Variants in VXN observed in about 807,000 individuals in gnomAD.
The protein encoded by VXN is vexin, also known as uncharacterized protein C8orf46.
Under a neutral mutation model 23.1 loss-of-function variants are expected in VXN, and 7 were observed. That is an observed-to-expected ratio of 0.30 (90% CI 0.17 to 0.57). The LOEUF (loss-of-function observed/expected upper bound fraction) is 0.57, where lower values mean the gene tolerates loss of function less well. Ranked by LOEUF, VXN falls within the 20% of genes least tolerant of loss-of-function variation. The pLI is 0.91. For synonymous variants in VXN, 120 were observed against 105.8 expected, an observed-to-expected ratio of 1.13 and a Z score of -0.83; for missense variants, 238 against 272.6, an observed-to-expected ratio of 0.87 and a Z score of 0.89.
At chr8:66,503,060 C>T (rs1807708929) in intron 2 of VXN, among the ~76,000 whole-genome samples, 1 of 152,114 alleles carries the variant, frequency 6.6e-6, no homozygotes, top group Admixed American at 6.5e-5. Flanking sequence ...GTTGCCCAGG[C>T]TGGTCTTGAA....
chr8:66,510,603 A>G (rs1486091693), intron 4 of VXN, among the ~76,000 whole-genome samples: 2 of 152,192 alleles, frequency 1.3e-5, no homozygotes, highest in Non-Finnish European at 2.9e-5. Context: ...GTAAGAAAAT[A>G]CCATAGACTG....
intron 3 of VXN, among the ~76,000 whole-genome samples, chr8:66,507,701 C>T (rs1029136564): frequency 6.7e-6 from 1 of 150,264 alleles, no homozygotes; most frequent in Admixed American, 6.6e-5. Flanking sequence ...AATATGCCAG[C>T]GAGGTTTCAA....
intron 3 of VXN, 124 bp from the exon 4 acceptor site, chr8:66,509,972 G>A: frequency 9.1e-6 from 8 of 878,224 alleles, no homozygotes; most frequent in Non-Finnish European, 1.5e-5. Flanking sequence ...TTTGCTGCTT[G>A]GTACAAAGGC....
chr8:66,507,223 T>G (rs907853050), intron 3 of VXN, among the ~76,000 whole-genome samples: 1 of 152,192 alleles, frequency 6.6e-6, no homozygotes, highest in Non-Finnish European at 1.5e-5. Flanking sequence ...AGCAGCAGTC[T>G]CTGGAAAATT....
At chr8:66,511,101 T>C (rs1054548218) in intron 4 of VXN, among the ~76,000 whole-genome samples, 1 of 152,160 alleles carries the variant, frequency 6.6e-6, no homozygotes, top group Non-Finnish European at 1.5e-5. Context: ...AGCTTTCTGC[T>C]ACCCACCCTG....
intron 2 of VXN, among the ~76,000 whole-genome samples, chr8:66,500,874 T>A: frequency 6.7e-6 from 1 of 148,252 alleles, no homozygotes; most frequent in South Asian, 2.2e-4. Context: ...CATGATTTTT[T>A]TTTTTTTTTT....
chr8:66,505,219 C>G, intron 2 of VXN, 156 bp from the exon 3 acceptor site: 1 of 1,044,726 alleles, frequency 9.6e-7, no homozygotes, highest in Non-Finnish European at 1.5e-6. Context: ...GTTTCCTGCC[C>G]AGATTTTGTC....
At chr8:66,511,077 C>A (rs905785982) in intron 4 of VXN, among the ~76,000 whole-genome samples, 11 of 152,196 alleles carry the variant, frequency 7.2e-5, no homozygotes, top group Non-Finnish European at 7.3e-5. Flanking sequence ...CCAAGCCCAC[C>A]TGAAGGAGCT....
chr8:66,510,141 C>T lies in VXN; in HGVS notation c.326C>T (p.Ala109Val), dbSNP rs199653939. Reference protein sequence around the residue: ...PKTSNLCGNRAYGKSLIPPVP... With the variant: ...PKTSNLCGNRVYGKSLIPPVP... ...ACATCAAATCTGTGTGGGAATCGAG[C>T]ATATGGAAAATCTCTGGTAAGTAAA... The change falls in exon 4 of 6, where the codon GCA (alanine) becomes GTA (valine). Residue 109 changes from alanine to valine, a missense_variant. Transcript: ENST00000305454. 2.5e-6 allele frequency: 4 copies of T among 1,612,460 alleles called. No individual in the cohort carries two copies. Among genetic ancestry groups the T allele is most frequent in the East Asian group, 2.2e-5 (1 of 44,854 alleles).
At chr8:66,508,969 C>T (rs1003466282) in intron 3 of VXN, among the ~76,000 whole-genome samples, 2 of 152,152 alleles carry the variant, frequency 1.3e-5, no homozygotes, top group African/African-American at 4.8e-5. Flanking sequence ...CACTGCACTC[C>T]AGCCTGAATG....
At chr8:66,497,553 A>G (rs183407344) in intron 2 of VXN, among the ~76,000 whole-genome samples, 9 of 152,360 alleles carry the variant, frequency 5.9e-5, no homozygotes, top group Admixed American at 3.3e-4. Flanking sequence ...ATGCTGTGCA[A>G]TTCCCATTTT....
intron 3 of VXN, among the ~76,000 whole-genome samples, chr8:66,507,233 T>G (rs1014057176): frequency 6.6e-6 from 1 of 152,166 alleles, no homozygotes; most frequent in African/African-American, 2.4e-5. Context: ...TCTGGAAAAT[T>G]GTTGGAAATG....
chr8:66,510,405 G>A (rs1481669051), intron 4 of VXN: 2 of 460,166 alleles, frequency 4.3e-6, no homozygotes, highest in Non-Finnish European at 7.7e-6. Flanking sequence ...AACAAAAGAA[G>A]CTATTATCCA....
At chr8:66,498,657 G>A (rs781651951) in intron 2 of VXN, among the ~76,000 whole-genome samples, 5 of 152,124 alleles carry the variant, frequency 3.3e-5, no homozygotes, top group African/African-American at 9.7e-5. Flanking sequence ...GCTACTAAGC[G>A]ACTAACAGGT....
chr8:66,501,216 A>C (rs1298109248), intron 2 of VXN: 2 of 152,166 alleles, frequency 1.3e-5, no homozygotes, highest in Non-Finnish European at 2.9e-5. Flanking sequence ...AAAATACAGA[A>C]TACTTCATGA....
Position 66,505,765 on chromosome 8 carries a change from T to G in VXN, c.280+237T>G, listed in dbSNP as rs527669547. On this transcript the variant is annotated intron_variant, in intron 3 of 5. Transcript: ENST00000305454. ...ACCTATAAAACAGTCACTCCTAGGTTTGCGTAATGAGCAAAGATGCTCTTA... is the reference window on the plus strand; with the variant it reads ...ACCTATAAAACAGTCACTCCTAGGTGTGCGTAATGAGCAAAGATGCTCTTA... 2.6e-4 allele frequency among the ~76,000 whole-genome samples: 39 copies of G among 152,354 alleles called. 1 individual carries two copies. The highest frequency in any genetic ancestry group is 9.1e-4 in the African/African-American group (38 of 41,586).
intron 3 of VXN, among the ~76,000 whole-genome samples, chr8:66,506,237 G>C (rs1160432442): frequency 1.6e-4 from 22 of 136,154 alleles, no homozygotes; most frequent in African/African-American, 6.1e-4. Context: ...GAGACAGTGT[G>C]TGTGTGTGTG....
At chr8:66,513,026 G>A (rs959116561) in intron 4 of VXN, among the ~76,000 whole-genome samples, 2 of 152,186 alleles carry the variant, frequency 1.3e-5, no homozygotes, top group Non-Finnish European at 2.9e-5. Context: ...GGTGGATCTG[G>A]TCGGAAGCAA....
At position 66,498,995 on chromosome 8, in the gene VXN, A is replaced by C. The variant is rs748903181; in HGVS notation, c.126+2503A>C. Reference sequence around the variant, plus strand: ...ATTTCTAGCTATGTGACCTTGAGCAAGTTGCTTAGCTATTGTGGAATTCAA... The same window carrying C: ...ATTTCTAGCTATGTGACCTTGAGCACGTTGCTTAGCTATTGTGGAATTCAA... On this transcript the variant is annotated intron_variant, in intron 2 of 5. Transcript: ENST00000305454. 136 of 205,940 alleles carry C rather than the reference A, an allele frequency of 6.6e-4. 1 individual carries two copies. The highest frequency in any genetic ancestry group is 3.9e-4 in the Non-Finnish European group (37 of 94,950). 12.8% of individuals were successfully genotyped at this position (205,940 alleles called of 1,614,324 possible). A position where few individuals can be genotyped will look rare whatever the true frequency, so the allele number is the denominator to read the frequency against.
Sources: gnomAD v4.1 joint callset for allele counts (sites outside exome capture counted in the v4.1 genomes callset) on GRCh38, gnomAD v4.1.1 for gene constraint, MANE v1.5 for transcripts, NCBI Gene and HGNC (gene_info 2026-07-23, HGNC 2026-07-21) for gene names.